Variants in SCHIP1 observed in about 807,000 individuals in gnomAD.
SCHIP1 encodes the protein schwannomin-interacting protein 1.
In SCHIP1, 8 loss-of-function variants were observed where a neutral mutation model predicts 29.7. That is an observed-to-expected ratio of 0.27 (90% CI 0.16 to 0.49). The LOEUF is 0.49. Among genes scored for constraint, SCHIP1 ranks in the 20% least tolerant of loss-of-function variants. The probability of loss-of-function intolerance (pLI) is 0.99; values close to 1 mark genes in which losing one functional copy is unlikely to be tolerated. For missense variants in SCHIP1, 193 were observed against 294.6 expected (o/e 0.66, Z 2.52); for synonymous variants, 76 against 94.9 (o/e 0.80, Z 1.16).
chr3:159,744,440 T>C, the SCHIP1 span, among the ~76,000 whole-genome samples: 3 of 152,180 alleles, frequency 2.0e-5, no homozygotes, highest in African/African-American at 7.2e-5. Flanking sequence ...CCTTCACTGG[T>C]AAAAATTTTG....
chr3:159,862,384 A>G lies in SCHIP1; in HGVS notation c.31-3779A>G, dbSNP rs575258015. ...ACCTTTCATCTCCCTCAGTTTCCTC[A>G]TATTCAAAGCAGAAATTGTTGGAGT... On this transcript the variant is annotated intron_variant, in intron 1 of 6. Coordinates refer to ENST00000445224, the Ensembl canonical transcript of SCHIP1. Among the ~76,000 whole-genome samples the G allele has an allele frequency of 6.6e-5, 10 of 152,342 alleles. No homozygotes were observed. The East Asian group carries it at 1.5e-3, about 23-fold the overall frequency.
chr3:159,828,361 TTATATATATA>T, the SCHIP1 span, among the ~76,000 whole-genome samples: 1 of 101,488 alleles, frequency 9.9e-6, no homozygotes, highest in Non-Finnish European at 1.9e-5. Flanking sequence ...AGTGTAACCT[TTATATATATA>T]TATACATATA....
rs114199537 is a variant in SCHIP1 at position 159,884,174 on chromosome 3, C to A, written c.150-2033C>A. ...AATGTGTCTGTTTTTAATTTGCTAACAGCTTTTTTCCCACCATCTTCCAAT... is the reference window on the plus strand; with the variant it reads ...AATGTGTCTGTTTTTAATTTGCTAAAAGCTTTTTTCCCACCATCTTCCAAT... On this transcript the variant is annotated intron_variant, in intron 2 of 6. Coordinates refer to ENST00000445224, the Ensembl canonical transcript of SCHIP1. 7.5e-3 allele frequency among the ~76,000 whole-genome samples: 1,143 copies of A among 152,156 alleles called. 13 individuals are homozygous for A. Among genetic ancestry groups the A allele is most frequent in the African/African-American group, 0.027 (1,112 of 41,486 alleles).
intron 2 of SCHIP1, among the ~76,000 whole-genome samples, chr3:159,876,451 C>T (rs1715820657): frequency 6.6e-6 from 1 of 152,156 alleles, no homozygotes; most frequent in Non-Finnish European, 1.5e-5. Context: ...GTGCCTACTT[C>T]ATGGGGTTAC....
the SCHIP1 span, among the ~76,000 whole-genome samples, chr3:159,440,446 A>T: frequency 6.6e-6 from 1 of 152,082 alleles, no homozygotes; most frequent in Admixed American, 6.6e-5. Flanking sequence ...TGCCTGGTGG[A>T]AGTGTACTTC....
chr3:159,548,723 T>G, the SCHIP1 span, among the ~76,000 whole-genome samples: 1 of 152,118 alleles, frequency 6.6e-6, no homozygotes, highest in African/African-American at 2.4e-5. Flanking sequence ...TTTTTAGTTC[T>G]GGAAGTCCAT....
At chr3:159,483,247 G>A in the SCHIP1 span, among the ~76,000 whole-genome samples, 142 of 152,174 alleles carry the variant, frequency 9.3e-4, no homozygotes, top group African/African-American at 2.2e-3. Context: ...ATTTCTATCC[G>A]AAAGACAAGG....
the SCHIP1 span, among the ~76,000 whole-genome samples, chr3:159,464,664 C>T: frequency 1.3e-5 from 2 of 152,090 alleles, no homozygotes; most frequent in African/African-American, 2.4e-5. Context: ...GGGATTTATG[C>T]CAGGGCCACG....
chr3:159,666,192 G>A, the SCHIP1 span, among the ~76,000 whole-genome samples: 1 of 152,164 alleles, frequency 6.6e-6, no homozygotes, highest in African/African-American at 2.4e-5. Flanking sequence ...TAGTTGTACA[G>A]GTTGCACACT....
At chr3:159,370,709 T>A in the SCHIP1 span, among the ~76,000 whole-genome samples, 1 of 152,184 alleles carries the variant, frequency 6.6e-6, no homozygotes, top group Non-Finnish European at 1.5e-5. Flanking sequence ...ATCCTCTCTC[T>A]CTTCTTGAGC....
the SCHIP1 span, among the ~76,000 whole-genome samples, chr3:159,703,308 G>T: frequency 1.3e-5 from 2 of 152,156 alleles, no homozygotes; most frequent in African/African-American, 4.8e-5. Flanking sequence ...TTTCCAAACT[G>T]TCTTCCATAA....
the SCHIP1 span, among the ~76,000 whole-genome samples, chr3:159,647,257 C>T: frequency 5.3e-4 from 80 of 152,036 alleles, no homozygotes; most frequent in Non-Finnish European, 9.4e-4. Flanking sequence ...ATAAGGAAGT[C>T]GTAGGCAATG....
the SCHIP1 span, among the ~76,000 whole-genome samples, chr3:159,755,810 A>G: frequency 6.6e-6 from 1 of 152,272 alleles, no homozygotes; most frequent in Non-Finnish European, 1.5e-5. Flanking sequence ...ACATTGGCCA[A>G]AACAAAGGGT....
intron 2 of SCHIP1, among the ~76,000 whole-genome samples, chr3:159,867,677 C>T (rs1373505040): frequency 2.0e-5 from 3 of 152,152 alleles, no homozygotes; most frequent in Non-Finnish European, 2.9e-5. Context: ...GCACCTCTTT[C>T]CCCTCCCAGT....
the SCHIP1 span, among the ~76,000 whole-genome samples, chr3:159,570,720 A>G: frequency 5.9e-5 from 9 of 152,304 alleles, no homozygotes; most frequent in Non-Finnish European, 8.8e-5. Context: ...CATTGAATCT[A>G]TGAATTACTT....
At chr3:159,516,496 C>T in the SCHIP1 span, among the ~76,000 whole-genome samples, 3 of 152,122 alleles carry the variant, frequency 2.0e-5, no homozygotes, top group African/African-American at 7.2e-5. Context: ...CATCATTTCT[C>T]ATGTCCACTA....
At chr3:159,356,115 G>A in the SCHIP1 span, among the ~76,000 whole-genome samples, 7 of 152,056 alleles carry the variant, frequency 4.6e-5, no homozygotes, top group African/African-American at 1.7e-4. Context: ...GCTAGATGAC[G>A]AGTTAGTGGG....
the SCHIP1 span, among the ~76,000 whole-genome samples, chr3:159,627,764 A>G: frequency 6.6e-6 from 1 of 152,248 alleles, no homozygotes; most frequent in Non-Finnish European, 1.5e-5. Flanking sequence ...TGAGGCTGCC[A>G]GGACTTGGAG....
the SCHIP1 span, among the ~76,000 whole-genome samples, chr3:159,313,631 C>A: frequency 1.3e-5 from 2 of 152,136 alleles, no homozygotes; most frequent in African/African-American, 4.8e-5. Flanking sequence ...CTAATGTAGC[C>A]AGGTACAGTT....
Sources: allele counts gnomAD v4.1 joint callset (sites outside exome capture counted in the v4.1 genomes callset), GRCh38; gene constraint gnomAD v4.1.1; transcripts MANE v1.5; gene names NCBI Gene and HGNC (gene_info 2026-07-23, HGNC 2026-07-21).